ANOS1: variants seen among roughly 807,000 people sequenced by gnomAD.
The protein encoded by ANOS1 is anosmin-1.
Under a neutral mutation model 59.0 loss-of-function variants are expected in ANOS1, and 6 were observed. The ratio of observed to expected loss-of-function variants is 0.10; its 90% confidence interval spans 0.06 to 0.20. The LOEUF (loss-of-function observed/expected upper bound fraction) is 0.20. Ranked by LOEUF, ANOS1 falls within the 10% of genes least tolerant of loss-of-function variation. The pLI is 1.00. For missense variants in ANOS1, 433 were observed against 542.3 expected, an observed-to-expected ratio of 0.80 and a Z score of 2.00; for synonymous variants, 217 against 223.4, an observed-to-expected ratio of 0.97 and a Z score of 0.25.
At chrX:8,646,932 C>CAA (rs775821235) in intron 2 of ANOS1, among the ~76,000 whole-genome samples, 8 of 51,843 alleles carry the variant, frequency 1.5e-4, no homozygotes, top group African/African-American at 1.9e-4. Context: ...GAACCTGTCT[C>CAA]AAAAAAAAAA....
At chrX:8,659,788 C>G (rs965568450) in intron 2 of ANOS1, among the ~76,000 whole-genome samples, 1 of 109,564 alleles carries the variant, frequency 9.1e-6, no homozygotes, top group Non-Finnish European at 1.9e-5. Context: ...GTCACCACAC[C>G]CAGCTGATTT....
intron 2 of ANOS1, among the ~76,000 whole-genome samples, chrX:8,664,142 G>A (rs780626959): frequency 8.9e-6 from 1 of 111,998 alleles, no homozygotes; most frequent in South Asian, 3.7e-4. Context: ...GTTTACCTAC[G>A]TAACAAATCT....
intron 9 of ANOS1, among the ~76,000 whole-genome samples, chrX:8,545,276 G>C (rs1929752992): frequency 1.1e-5 from 1 of 87,778 alleles, no homozygotes; most frequent in Non-Finnish European, 2.2e-5. Flanking sequence ...AAAAAAGAAA[G>C]AAAGAAAGAG....
intron 1 of ANOS1, among the ~76,000 whole-genome samples, chrX:8,726,584 T>C (rs1307901187): frequency 1.8e-5 from 2 of 112,140 alleles, no homozygotes; most frequent in East Asian, 5.6e-4. Context: ...GAGCCTCCAT[T>C]GAGAAAACAC....
At chrX:8,581,032 T>C (rs1305514058) in intron 6 of ANOS1, among the ~76,000 whole-genome samples, 1 of 111,845 alleles carries the variant, frequency 8.9e-6, no homozygotes, top group African/African-American at 3.3e-5. Flanking sequence ...GCACCATTTT[T>C]TGAAACACCA....
At chrX:8,601,801 A>G (rs767014718) in intron 3 of ANOS1, among the ~76,000 whole-genome samples, 15 of 112,642 alleles carry the variant, frequency 1.3e-4, no homozygotes, top group Admixed American at 1.2e-3. Flanking sequence ...CCCACAATAC[A>G]TACTCAATAA....
chrX:8,695,719 A>C (rs915689430), intron 2 of ANOS1, among the ~76,000 whole-genome samples: 2 of 109,648 alleles, frequency 1.8e-5, no homozygotes, highest in African/African-American at 6.6e-5. Context: ...AAAAAAAAAA[A>C]CCTAGTGCAT....
At chrX:8,603,631 T>C (rs1451482291) in intron 3 of ANOS1, among the ~76,000 whole-genome samples, 1 of 112,488 alleles carries the variant, frequency 8.9e-6, no homozygotes, top group Non-Finnish European at 1.9e-5. Flanking sequence ...TCAGCAATCA[T>C]GGAATGATAA....
chrX:8,553,858 G>T, intron 9 of ANOS1, 94 bp downstream of exon 9: 1 of 846,721 alleles, frequency 1.2e-6, no homozygotes, highest in Non-Finnish European at 1.7e-6. Context: ...CCTTAGTATT[G>T]ATACTGTGGC....
chrX:8,620,018 G>A (rs1296495684), intron 3 of ANOS1, among the ~76,000 whole-genome samples: 1 of 111,854 alleles, frequency 8.9e-6, no homozygotes, highest in Non-Finnish European at 1.9e-5. Context: ...TTGCAACCTT[G>A]AACTCCTGGC....
chrX:8,594,658 G>GTGTA (rs1555895592), intron 4 of ANOS1, among the ~76,000 whole-genome samples: 27 of 33,554 alleles, frequency 8.0e-4, no homozygotes, highest in African/African-American at 2.1e-3. Context: ...ATATATATGT[G>GTGTA]TATATATATA....
At chrX:8,643,569 T>A (rs904360874) in intron 2 of ANOS1, among the ~76,000 whole-genome samples, 4 of 111,980 alleles carry the variant, frequency 3.6e-5, no homozygotes, top group African/African-American at 1.3e-4. Flanking sequence ...AAAATCAAAA[T>A]ATTTTACCCC....
chrX:8,585,353 C>T lies in ANOS1; in HGVS notation c.770G>A (p.Arg257Gln), dbSNP rs1390812806. The change falls in exon 6 of 14, where the codon CGA becomes CAA. Residue 257 changes from arginine (R) to glutamine (Q), a missense_variant. Arg to Gln is a conservative substitution (Grantham distance 43). Coordinates refer to ENST00000262648, the MANE Select transcript of ANOS1 (RefSeq NM_000216.4). Reference protein sequence around the residue: ...RVQLTDIRPSRWYQFRVAAVN... With the variant: ...RVQLTDIRPSQWYQFRVAAVN... ...AGCAGCCACTCGAAACTGGTACCAT[C>T]GGCTGGGTCTTATGTCAGTCAGTTG... 2 of 1,209,374 alleles carry T rather than the reference C, an allele frequency of 1.7e-6. No homozygotes were observed. The highest frequency in any genetic ancestry group is 1.7e-5 in the African/African-American group (1 of 57,176).
chrX:8,694,417 C>T, intron 2 of ANOS1, among the ~76,000 whole-genome samples: 1 of 112,397 alleles, frequency 8.9e-6, no homozygotes, highest in Non-Finnish European at 1.9e-5. Context: ...GCCTGTAATC[C>T]CAGCACTTTG....
intron 8 of ANOS1, among the ~76,000 whole-genome samples, chrX:8,563,570 G>T (rs1930065091): frequency 8.9e-6 from 1 of 112,344 alleles, no homozygotes; most frequent in South Asian, 3.7e-4. Context: ...AACCTTGGTT[G>T]TTCCAAGATG....
At chrX:8,568,430 A>C in intron 7 of ANOS1, 54 bp from the exon 8 acceptor site, 21 of 1,074,505 alleles carry the variant, frequency 2.0e-5, no homozygotes, top group Non-Finnish European at 2.5e-5. Flanking sequence ...CACGTCTCTC[A>C]TCTTCATTGC....
chrX:8,643,391 T>C (rs1931697705), intron 2 of ANOS1, among the ~76,000 whole-genome samples: 1 of 111,542 alleles, frequency 9.0e-6, no homozygotes, highest in South Asian at 3.8e-4. Context: ...TCCATTCTAC[T>C]TGAGGACTAA....
chrX:8,547,939 A>T (rs1369580056), intron 9 of ANOS1, among the ~76,000 whole-genome samples: 1 of 111,446 alleles, frequency 9.0e-6, no homozygotes, highest in Admixed American at 9.5e-5. Context: ...CTGGTCTCAA[A>T]TTCCTAACCT....
chrX:8,535,890 A>T, intron 11 of ANOS1, 79 bp from the exon 12 acceptor site: 1 of 807,935 alleles, frequency 1.2e-6, no homozygotes, highest in Non-Finnish European at 1.9e-6. Context: ...AGGAATTTTC[A>T]GCGGCCAGTC....
Sources: gnomAD v4.1 joint callset for allele counts (sites outside exome capture counted in the v4.1 genomes callset) on GRCh38, gnomAD v4.1.1 for gene constraint, MANE v1.5 for transcripts, NCBI Gene and HGNC (gene_info 2026-07-23, HGNC 2026-07-21) for gene names.